NID2: variants seen among roughly 807,000 people sequenced by gnomAD.
The protein encoded by NID2 is nidogen 2, also known as nidogen-2.
A neutral mutation model predicts 145.4 loss-of-function variants in NID2; 83 were observed. That is an observed-to-expected ratio of 0.57 (90% CI 0.48 to 0.69). The LOEUF (loss-of-function observed/expected upper bound fraction) is 0.69, where lower values mean the gene tolerates loss of function less well. Ranked by LOEUF, NID2 falls within the 30% of genes least tolerant of loss-of-function variation. The probability of loss-of-function intolerance (pLI) is 0.00; values close to 1 mark genes in which losing one functional copy is unlikely to be tolerated. For missense variants in NID2, 1,807 were observed against 1,765.7 expected (o/e 1.02, Z -0.42); for synonymous variants, 739 against 701.3 (o/e 1.05, Z -0.85).
intron 18 of NID2, chr14:52,008,803 T>C (rs1329203784): frequency 2.0e-5 from 3 of 152,350 alleles, no homozygotes; most frequent in Non-Finnish European, 4.4e-5. Context: ...AGAAGGAAAC[T>C]GTTCTTTCTT....
rs1038650373 is a variant in NID2 at position 52,062,460 on chromosome 14, T to C, written c.535-2104A>G. Among the ~76,000 whole-genome samples, 89 of 152,340 alleles carry C rather than the reference T, an allele frequency of 5.8e-4. 1 individual carries two copies. The highest frequency in any genetic ancestry group is 6.8e-3 in the Middle Eastern group (2 of 294). ...TAAACAAAGGCTGTTCTGCCTCATG[T>C]CTATCCATAAGATAGTCGACATCAT... On this transcript the variant is annotated intron_variant, in intron 2 of 21. Coordinates refer to ENST00000216286, the MANE Select transcript of NID2 (RefSeq NM_007361.4).
chr14:52,010,992 C>T lies in NID2; in HGVS notation c.3606G>A (p.Trp1202Ter), dbSNP rs1384685610. ...CTATCTTATCCAGGACACTGTCCGTCCAGTACATTGTTCTGCGGATGTGGT... is the reference window on the plus strand; with the variant it reads ...CTATCTTATCCAGGACACTGTCCGTTCAGTACATTGTTCTGCGGATGTGGT... ...AIDHIRRTMY[W>*]TDSVLDKIES... Residue 1202 changes from tryptophan (W) to a stop codon, truncating the protein, a stop_gained, in exon 18 of 22, where the codon TGG becomes TGA. Coordinates refer to ENST00000216286, the MANE Select transcript of NID2 (RefSeq NM_007361.4). LOFTEE classifies it high-confidence loss of function. The T allele has an allele frequency of 6.2e-7, 1 of 1,614,166 alleles. No individual in the cohort carries two copies.
intron 5 of NID2, among the ~76,000 whole-genome samples, chr14:52,049,001 C>A (rs1490170218): frequency 1.3e-5 from 2 of 152,098 alleles, no homozygotes; most frequent in African/African-American, 4.8e-5. Flanking sequence ...CCACACTATG[C>A]CAGGAAGCTC....
intron 9 of NID2, among the ~76,000 whole-genome samples, chr14:52,035,985 A>T (rs1892057775): frequency 6.7e-6 from 1 of 150,262 alleles, no homozygotes; most frequent in African/African-American, 2.5e-5. Flanking sequence ...CTGGGATTAC[A>T]GGCATAAGCC....
intron 18 of NID2, chr14:52,008,954 C>G (rs1224349614): frequency 6.6e-6 from 1 of 152,094 alleles, no homozygotes; most frequent in African/African-American, 2.4e-5. Context: ...AAATATGGTC[C>G]TATTAAGTGG....
At chr14:52,049,293 G>T (rs1394856056) in intron 5 of NID2, among the ~76,000 whole-genome samples, 6 of 152,122 alleles carry the variant, frequency 3.9e-5, no homozygotes, top group Non-Finnish European at 4.4e-5. Flanking sequence ...CAAAGGACTT[G>T]AGACTTGTCC....
rs907822575 is a variant in NID2 at position 52,005,257 on chromosome 14, G to A, written c.*229C>T. The A allele has an allele frequency of 2.6e-5, 10 of 388,448 alleles. No homozygotes were observed. Among genetic ancestry groups the A allele is most frequent in the African/African-American group, 2.1e-4 (10 of 48,260 alleles). 24.1% of individuals were successfully genotyped at this position (388,448 alleles called of 1,614,324 possible). ...TTTAATAAGCAACAGTTAAAATTCT[G>A]TTACCTTTTTAAACTTGCAATAACA... On this transcript the variant is annotated 3_prime_UTR_variant, in exon 22 of 22. Coordinates refer to ENST00000216286, the MANE Select transcript of NID2 (RefSeq NM_007361.4).
chr14:52,037,994 A>G (rs187885721), intron 9 of NID2, among the ~76,000 whole-genome samples: 2 of 152,320 alleles, frequency 1.3e-5, no homozygotes, highest in East Asian at 1.9e-4. Context: ...CTTTAGTTCT[A>G]ATAGTGTTTT....
At chr14:52,012,438 C>CA (rs763805357) in intron 16 of NID2, among the ~76,000 whole-genome samples, 59 of 152,140 alleles carry the variant, frequency 3.9e-4, no homozygotes, top group Middle Eastern at 3.4e-3. Flanking sequence ...GTCTAAAAAA[C>CA]AAAAAATAAA....
chr14:52,005,552 G>T, intron 21 of NID2, 56 bp from the exon 22 acceptor site: 1 of 1,570,214 alleles, frequency 6.4e-7, no homozygotes, highest in Non-Finnish European at 8.7e-7. Context: ...TTGTAACCAA[G>T]TTGCAACAGC....
intron 9 of NID2, among the ~76,000 whole-genome samples, chr14:52,030,481 A>AAAGAAAGAAAAG (rs1891763894): frequency 2.6e-5 from 3 of 115,298 alleles, no homozygotes. Flanking sequence ...CGAGAGAAAG[A>AAAGAAAGAAAAG]AAAGAAAGAA....
Position 52,006,540 on chromosome 14 carries a change from C to T in NID2, c.4001G>A (p.Arg1334Lys), listed in dbSNP as rs1890790701. ...YADHFYHTDW[R>K]RDGVVSVNKH... is the part of the protein sequence containing the mutation. ...GTCCAGAATTTGTGGGGCTCACCTC[C>T]TCCAGTCTGTGTGGTAGAAGTGATC... Residue 1334 changes from arginine to lysine, a missense_variant, in exon 20 of 22, where the codon AGG (arginine) becomes AAG (lysine). By Grantham distance (26) the Arg-to-Lys change is conservative. Transcript: ENST00000216286. 6.2e-7 allele frequency: 1 copy of T among 1,613,576 alleles called. No homozygotes were observed.
At chr14:52,011,716 T>C (rs373799905) in intron 16 of NID2, 33 bp from the exon 17 acceptor site, 25 of 1,612,928 alleles carry the variant, frequency 1.5e-5, no homozygotes, top group Non-Finnish European at 2.1e-5. Flanking sequence ...TTAGAAGAAT[T>C]AGGTTACATT....
intron 2 of NID2, among the ~76,000 whole-genome samples, chr14:52,064,989 G>A (rs1403684159): frequency 6.6e-6 from 1 of 152,096 alleles, no homozygotes; most frequent in Non-Finnish European, 1.5e-5. Flanking sequence ...CCATCAATAA[G>A]TATTTCAAAG....
chr14:52,067,021 G>A (rs928372291), intron 2 of NID2, among the ~76,000 whole-genome samples: 2 of 152,160 alleles, frequency 1.3e-5, no homozygotes, highest in South Asian at 2.1e-4. Flanking sequence ...GTACCTGGAA[G>A]GCAATTAGGC....
At chr14:52,030,634 AAG>A (rs753370326) in intron 9 of NID2, among the ~76,000 whole-genome samples, 121 of 130,928 alleles carry the variant, frequency 9.2e-4, no homozygotes, top group African/African-American at 2.7e-3. Context: ...AAGAGAAAGA[AAG>A]AGAAAGAAAA....
chr14:52,005,644 G>A, intron 21 of NID2, 93 bp downstream of exon 21: 1 of 1,357,510 alleles, frequency 7.4e-7, no homozygotes, highest in South Asian at 1.2e-5. Flanking sequence ...GGCAATGGTG[G>A]CAGTGTCACA....
rs1391282017 is a variant in NID2 at position 52,014,970 on chromosome 14, TC to T, written c.3250+83del. 9.0e-6 allele frequency: 10 copies of T among 1,111,516 alleles called. No homozygotes were observed. In the Admixed American group the frequency reaches 1.0e-4, roughly 11 times the overall value. The allele number at this position is 1,111,516 out of a possible 1,614,324, so 68.9% of individuals were successfully genotyped here. On this transcript the variant is annotated intron_variant, in intron 15 of 21. Transcript: ENST00000216286. Reference sequence around the variant, plus strand: ...TCATTAGACCTGGTGACCCCACATGTCCCCCCACTTCACCACAGCAGGCACC... The same window carrying T: ...TCATTAGACCTGGTGACCCCACATGTCCCCCACTTCACCACAGCAGGCACC...
In NID2 at chr14:52,042,887, G is replaced by A. The variant is rs768969133; in HGVS notation, c.1474C>T (p.His492Tyr). The A allele has an allele frequency of 6.2e-7, 1 of 1,614,168 alleles. No homozygotes were observed. Among genetic ancestry groups the A allele is most frequent in the Non-Finnish European group, 8.5e-7 (1 of 1,180,030 alleles). Residue 492 changes from histidine to tyrosine, a missense_variant, in exon 6 of 22, where the codon CAC (histidine) becomes TAC (tyrosine). Physicochemically the swap from His to Tyr is moderately conservative, Grantham distance 83. Coordinates refer to ENST00000216286, the MANE Select transcript of NID2 (RefSeq NM_007361.4). ...AAGGCATGCCGGGAGCATTGTCTGT[G>A]GTTGTGTTCACAGGTTTCCTTGTTG... is the stretch of plus-strand genomic sequence containing the variant. ...AANKETCEHNHRQCSRHAFCT... is the reference protein window; with the variant it reads ...AANKETCEHNYRQCSRHAFCT...
Sources: allele counts gnomAD v4.1 joint callset (sites outside exome capture counted in the v4.1 genomes callset), GRCh38; gene constraint gnomAD v4.1.1; transcripts MANE v1.5; gene names NCBI Gene and HGNC (gene_info 2026-07-23, HGNC 2026-07-21).